The following SLC4A4 variants were observed in gnomAD, a reference collection of about 807,000 sequenced individuals.
SLC4A4 encodes the protein solute carrier family 4 member 4.
SLC4A4 carries 27 observed loss-of-function variants against 111.5 expected under a neutral mutation model. That is an observed-to-expected ratio of 0.24 (90% CI 0.18 to 0.33). The LOEUF is 0.33. SLC4A4 is among the 10% of genes least tolerant of loss of function. The probability of loss-of-function intolerance (pLI) is 1.00; values close to 1 mark genes in which losing one functional copy is unlikely to be tolerated. For synonymous variants in SLC4A4, 443 were observed against 463.4 expected, an observed-to-expected ratio of 0.96 and a Z score of 0.57; for missense variants, 909 against 1,315.5, an observed-to-expected ratio of 0.69 and a Z score of 4.78.
In SLC4A4 at chr4:71,555,074, G is replaced by T. The variant is rs1736352135; in HGVS notation, c.2695-66G>T. ...TTTTAGATTTAGCCTTTATTTAAAT[G>T]ATTCCTCTTCATTCCTCTTTTTTCT... On this transcript the variant is annotated intron_variant, in intron 20 of 25. Transcript: ENST00000264485. The T allele has an allele frequency of 4.4e-6, 5 of 1,130,094 alleles. No individual in the cohort carries two copies. The South Asian group carries it at 4.9e-5, about 11-fold the overall frequency. 70.0% of individuals were successfully genotyped at this position (1,130,094 alleles called of 1,614,324 possible). A position where few individuals can be genotyped will look rare whatever the true frequency, so the allele number is the denominator to read the frequency against.
At chr4:71,340,103 G>C (rs776832999) in intron 4 of SLC4A4, among the ~76,000 whole-genome samples, 10 of 151,930 alleles carry the variant, frequency 6.6e-5, no homozygotes, top group African/African-American at 2.4e-4. Context: ...GCATGCCTGT[G>C]GTCCCAGCTA....
chr4:71,095,502 G>A (rs16845769), intron 2 of SLC4A4, among the ~76,000 whole-genome samples: 1 of 152,176 alleles, frequency 6.6e-6, no homozygotes, highest in African/African-American at 2.4e-5. Flanking sequence ...CAATGGGTGG[G>A]CTTTGTGATC....
At chr4:71,227,708 C>T (rs943777716) in intron 1 of SLC4A4, among the ~76,000 whole-genome samples, 5 of 152,074 alleles carry the variant, frequency 3.3e-5, no homozygotes, top group Non-Finnish European at 7.4e-5. Flanking sequence ...TAAACATGCC[C>T]GTCGCCATCC....
At chr4:71,359,124 T>A (rs1334228212) in intron 6 of SLC4A4, among the ~76,000 whole-genome samples, 1 of 152,238 alleles carries the variant, frequency 6.6e-6, no homozygotes, top group Non-Finnish European at 1.5e-5. Flanking sequence ...CAGAATCTTG[T>A]GCTTTAGGAG....
At position 71,292,462 on chromosome 4, in the gene SLC4A4, A is replaced by G. The variant is rs570704821; in HGVS notation, c.253+37063A>G. Among the ~76,000 whole-genome samples the G allele has an allele frequency of 4.6e-5, 7 of 152,272 alleles. No homozygotes were observed. The South Asian group carries it at 1.5e-3, about 32-fold the overall frequency. ...TTGAGGGTGTGACTTTGATGTTTCT[A>G]TAGATTTTCATATCTCTGCAATAAA... is the stretch of plus-strand genomic sequence containing the variant. On this transcript the variant is annotated intron_variant, in intron 3 of 25. Transcript: ENST00000264485.
intron 16 of SLC4A4, among the ~76,000 whole-genome samples, chr4:71,527,484 G>T (rs149664827): frequency 6.6e-6 from 1 of 152,160 alleles, no homozygotes; most frequent in African/African-American, 2.4e-5. Flanking sequence ...CAGGTTTAGG[G>T]TGTCAGTGGT....
At chr4:71,519,276 G>C (rs1172179967) in intron 16 of SLC4A4, among the ~76,000 whole-genome samples, 1 of 152,176 alleles carries the variant, frequency 6.6e-6, no homozygotes, top group Non-Finnish European at 1.5e-5. Context: ...CCTTCTGGCA[G>C]TAACACCCAA....
At chr4:71,432,681 G>A (rs1403658196) in intron 7 of SLC4A4, among the ~76,000 whole-genome samples, 1 of 151,330 alleles carries the variant, frequency 6.6e-6, no homozygotes, top group Non-Finnish European at 1.5e-5. Flanking sequence ...TTAGCCCTAA[G>A]TTCCTTGCTT....
At chr4:71,553,879 G>A (rs887060413) in intron 20 of SLC4A4, among the ~76,000 whole-genome samples, 1 of 151,762 alleles carries the variant, frequency 6.6e-6, no homozygotes, top group African/African-American at 2.4e-5. Context: ...AACATTCTAT[G>A]TCACTTTTAG....
chr4:71,327,294 C>T (rs1344400705), intron 3 of SLC4A4, among the ~76,000 whole-genome samples: 1 of 151,986 alleles, frequency 6.6e-6, no homozygotes, highest in Non-Finnish European at 1.5e-5. Context: ...CTTCTGAAAT[C>T]TAATACATTT....
At chr4:71,493,621 A>G (rs1292036877) in intron 15 of SLC4A4, among the ~76,000 whole-genome samples, 1 of 151,594 alleles carries the variant, frequency 6.6e-6, no homozygotes, top group African/African-American at 2.4e-5. Flanking sequence ...AACAGTTACT[A>G]AGTCCTGGGA....
chr4:71,360,766 A>G (rs972072258), intron 6 of SLC4A4, among the ~76,000 whole-genome samples: 12 of 152,190 alleles, frequency 7.9e-5, no homozygotes, highest in African/African-American at 2.9e-4. Flanking sequence ...GCAATTTACA[A>G]TACAATATTG....
At position 71,255,412 on chromosome 4, in the gene SLC4A4, T is replaced by A. The variant is rs534397113; in HGVS notation, c.253+13T>A. 11 of 1,612,988 alleles carry A rather than the reference T, an allele frequency of 6.8e-6. No individual in the cohort carries two copies. In the African/African-American group the frequency reaches 1.3e-4, roughly 20 times the overall value. The stretch of plus-strand genomic sequence containing the variant: ...CTAAAACCTCTCAGTGAGTACTCTC[T>A]GAGCGTTGGTGCCTCTCTCTGCCTC... On this transcript the variant is annotated intron_variant, in intron 3 of 25. Transcript: ENST00000264485.
chr4:71,215,967 T>C (rs1718405872), intron 1 of SLC4A4, among the ~76,000 whole-genome samples: 2 of 150,030 alleles, frequency 1.3e-5, no homozygotes, highest in South Asian at 4.3e-4. Context: ...TGCAGTGGCG[T>C]GATCTTGGCT....
chr4:71,095,697 GT>G (rs1418307655), intron 2 of SLC4A4, among the ~76,000 whole-genome samples: 1 of 152,146 alleles, frequency 6.6e-6, no homozygotes, highest in Non-Finnish European at 1.5e-5. Flanking sequence ...AACAAGAAGG[GT>G]ATGGCTCCTA....
chr4:71,297,121 A>C (rs779870058), intron 3 of SLC4A4, among the ~76,000 whole-genome samples: 1 of 152,220 alleles, frequency 6.6e-6, no homozygotes, highest in Non-Finnish European at 1.5e-5. Flanking sequence ...GAGGTTTCCC[A>C]TGTATTGGGA....
chr4:71,293,551 T>TA (rs201768749), intron 3 of SLC4A4, among the ~76,000 whole-genome samples: 8,861 of 140,704 alleles, frequency 0.063, 876 homozygotes, highest in African/African-American at 0.21. Flanking sequence ...CGACTCCGTC[T>TA]AAAAAAAAAA....
chr4:71,158,733 C>T (rs1463707193), intron 2 of SLC4A4, among the ~76,000 whole-genome samples: 3 of 152,150 alleles, frequency 2.0e-5, no homozygotes, highest in Admixed American at 6.5e-5. Context: ...TCTACTAGGA[C>T]TTCATCTCTC....
At chr4:71,235,060 T>C (rs1719709659) in intron 1 of SLC4A4, among the ~76,000 whole-genome samples, 1 of 152,164 alleles carries the variant, frequency 6.6e-6, no homozygotes, top group African/African-American at 2.4e-5. Context: ...CTAATTTGAA[T>C]CTCAAAGCCA....
Sources: gnomAD v4.1 joint callset for allele counts (sites outside exome capture counted in the v4.1 genomes callset) on GRCh38, gnomAD v4.1.1 for gene constraint, MANE v1.5 for transcripts, NCBI Gene and HGNC (gene_info 2026-07-23, HGNC 2026-07-21) for gene names.